The following ZNF521 variants were observed in gnomAD, a reference collection of about 807,000 sequenced individuals.
ZNF521 encodes the protein zinc finger protein 521, also known as LYST-interacting protein 3.
A neutral mutation model predicts 105.5 loss-of-function variants in ZNF521; 14 were observed. The ratio of observed to expected loss-of-function variants is 0.13; its 90% CI spans 0.09 to 0.21. The LOEUF (loss-of-function observed/expected upper bound fraction) is 0.21. Ranked by LOEUF, ZNF521 falls within the 10% of genes least tolerant of loss-of-function variation. The pLI, the probability that ZNF521 is intolerant of heterozygous loss-of-function variation, is 1.00. For synonymous variants in ZNF521, 635 were observed against 606.0 expected (o/e 1.05, Z -0.70); for missense variants, 1,233 against 1,629.7 (o/e 0.76, Z 4.19).
chr18:25,294,284 T>C (rs2145042660), intron 3 of ZNF521, among the ~76,000 whole-genome samples: 1 of 152,330 alleles, frequency 6.6e-6, no homozygotes, highest in South Asian at 2.1e-4. Context: ...GCTGATCCGC[T>C]GGTCAGTTTG....
intron 3 of ZNF521, among the ~76,000 whole-genome samples, chr18:25,272,881 G>A (rs146728544): frequency 6.6e-6 from 1 of 151,930 alleles, no homozygotes; most frequent in East Asian, 1.9e-4. Flanking sequence ...TGCACATTCT[G>A]CACATGTACC....
intron 5 of ZNF521, among the ~76,000 whole-genome samples, chr18:25,110,520 G>T (rs189149404): frequency 1.3e-5 from 2 of 152,078 alleles, no homozygotes; most frequent in African/African-American, 4.8e-5. Context: ...GGTTATAAGG[G>T]ATTTCAAGTC....
At chr18:25,253,464 TACTA>T (rs1265983176) in intron 3 of ZNF521, among the ~76,000 whole-genome samples, 2 of 152,184 alleles carry the variant, frequency 1.3e-5, no homozygotes, top group African/African-American at 4.8e-5. Context: ...TTGTGACTTA[TACTA>T]ACTACTTTTA....
Position 25,227,325 on chromosome 18 carries a change from G to T in ZNF521, c.593C>A (p.Ser198Tyr), listed in dbSNP as rs777193345. 6.2e-7 allele frequency: 1 copy of T among 1,614,142 alleles called. No homozygotes were observed. Among genetic ancestry groups the T allele is most frequent in the Non-Finnish European group, 8.5e-7 (1 of 1,180,018 alleles). Residue 198 changes from serine to tyrosine, a missense_variant, in exon 4 of 8, where the codon TCC becomes TAC. This residue lies in a region of ZNF521 where 380 missense variants were observed against 478.0 expected (regional missense o/e 0.80). Coordinates refer to ENST00000361524, the MANE Select transcript of ZNF521 (RefSeq NM_015461.3). The surrounding 1 kb of genome is among the most constrained non-coding windows in gnomAD (Gnocchi z 5.7). ...AATGGCACATTTATATGGCTTGTTG[G>T]ACGTGTGAGTCTTTAAGTGGATCTT... ...HLKIHLKTHT[S>Y]NKPYKCAICR... is the part of the protein sequence containing the mutation.
At chr18:25,197,818 T>A (rs1341021423) in intron 4 of ZNF521, among the ~76,000 whole-genome samples, 1 of 151,760 alleles carries the variant, frequency 6.6e-6, no homozygotes, top group Non-Finnish European at 1.5e-5. Context: ...TAAGAAATAC[T>A]TGGAATTACC....
chr18:25,241,145 C>A (rs1907301065), intron 3 of ZNF521, among the ~76,000 whole-genome samples: 3 of 152,062 alleles, frequency 2.0e-5, no homozygotes, highest in African/African-American at 7.2e-5. Flanking sequence ...TTAGTGATAA[C>A]CCCATACTTT....
chr18:25,080,073 G>A (rs1241750778), intron 7 of ZNF521, among the ~76,000 whole-genome samples: 2 of 152,188 alleles, frequency 1.3e-5, no homozygotes, highest in Non-Finnish European at 2.9e-5. Context: ...TCAAGGCAGG[G>A]GCAGGGATCA....
intron 5 of ZNF521, among the ~76,000 whole-genome samples, chr18:25,156,766 A>G (rs1174274076): frequency 6.6e-6 from 1 of 152,222 alleles, no homozygotes; most frequent in East Asian, 1.9e-4. Flanking sequence ...AAAAAGGTAA[A>G]TAGCAAATAA....
At chr18:25,139,323 A>G (rs369948001) in intron 5 of ZNF521, among the ~76,000 whole-genome samples, 1 of 136,450 alleles carries the variant, frequency 7.3e-6, no homozygotes, top group African/African-American at 2.7e-5. Flanking sequence ...CCAGGAGCTG[A>G]GATCACACCA....
At chr18:25,084,946 A>T (rs568193326) in intron 7 of ZNF521, among the ~76,000 whole-genome samples, 119 of 152,318 alleles carry the variant, frequency 7.8e-4, no homozygotes, top group Middle Eastern at 3.4e-3. Flanking sequence ...TTATTCTTGG[A>T]CCATACCATC....
chr18:25,320,187 T>C (rs1019885878), intron 3 of ZNF521, among the ~76,000 whole-genome samples: 1 of 152,234 alleles, frequency 6.6e-6, no homozygotes, highest in African/African-American at 2.4e-5. Context: ...TTTCTTTTTT[T>C]TTGAGACAGA....
In ZNF521 at chr18:25,188,631, G is replaced by A. The variant is rs908094071; in HGVS notation, c.3658+6529C>T. 2.6e-4 allele frequency among the ~76,000 whole-genome samples: 40 copies of A among 152,290 alleles called. 1 individual carries two copies. The Middle Eastern group carries it at 0.01, about 39-fold the overall frequency. ...CATATCAAAGAGTGAGTGAAAAACC[G>A]ATACATTAGTGATACATTCTACCGG... On this transcript the variant is annotated intron_variant, in intron 5 of 7. Transcript: ENST00000361524.
intron 3 of ZNF521, among the ~76,000 whole-genome samples, chr18:25,234,325 G>A (rs1906732754): frequency 6.6e-6 from 1 of 152,062 alleles, no homozygotes; most frequent in Non-Finnish European, 1.5e-5. Flanking sequence ...TCCTGAGTCT[G>A]TATTCTTTTT....
intron 5 of ZNF521, among the ~76,000 whole-genome samples, chr18:25,142,804 C>G (rs1255067113): frequency 6.6e-6 from 1 of 151,920 alleles, no homozygotes; most frequent in East Asian, 1.9e-4. Context: ...TTCATTAACA[C>G]TACTTTGTGA....
At chr18:25,066,767 A>G (rs1189751334) in intron 7 of ZNF521, among the ~76,000 whole-genome samples, 2 of 152,188 alleles carry the variant, frequency 1.3e-5, no homozygotes, top group African/African-American at 4.8e-5. Context: ...TATGAGCAGA[A>G]AGCGGAAAAA....
At chr18:25,066,353 G>C (rs937930951) in intron 7 of ZNF521, among the ~76,000 whole-genome samples, 2 of 152,136 alleles carry the variant, frequency 1.3e-5, no homozygotes, top group East Asian at 3.9e-4. Flanking sequence ...TTGAGGATCC[G>C]GGGGATGTGT....
intron 5 of ZNF521, among the ~76,000 whole-genome samples, chr18:25,126,454 C>T (rs1164537668): frequency 6.6e-6 from 1 of 152,004 alleles, no homozygotes; most frequent in Non-Finnish European, 1.5e-5. Context: ...TTTTCTATTC[C>T]CTCTGTAGTT....
intron 3 of ZNF521, among the ~76,000 whole-genome samples, chr18:25,303,914 T>C (rs894818477): frequency 2.0e-5 from 3 of 152,228 alleles, no homozygotes; most frequent in Non-Finnish European, 4.4e-5. Flanking sequence ...TTCACTGAAG[T>C]TTTTGATTTC....
intron 7 of ZNF521, among the ~76,000 whole-genome samples, chr18:25,077,843 G>A (rs926725655): frequency 1.3e-5 from 2 of 152,094 alleles, no homozygotes; most frequent in African/African-American, 4.8e-5. Flanking sequence ...GGGAGGCGGG[G>A]AGAATTAAAG....
Sources: allele counts gnomAD v4.1 joint callset (sites outside exome capture counted in the v4.1 genomes callset), GRCh38; gene constraint gnomAD v4.1.1; regional missense constraint gnomAD v4.1.1; non-coding constraint Gnocchi (gnomAD v3.1); transcripts MANE v1.5; gene names NCBI Gene and HGNC (gene_info 2026-07-23, HGNC 2026-07-21).